SYT13: variants seen among roughly 807,000 people sequenced by gnomAD.
SYT13 encodes the protein synaptotagmin-13.
Under a neutral mutation model 38.6 loss-of-function variants are expected in SYT13, and 21 were observed. The ratio of observed to expected loss-of-function variants is 0.54; its 90% CI spans 0.39 to 0.78. The LOEUF (loss-of-function observed/expected upper bound fraction) is 0.78, where lower values mean the gene tolerates loss of function less well. Ranked by LOEUF, SYT13 falls within the 30% of genes least tolerant of loss-of-function variation. SYT13 has a pLI of 0.00. For synonymous variants in SYT13, 241 were observed against 237.6 expected (o/e 1.01, Z -0.13); for missense variants, 495 against 548.7 (o/e 0.90, Z 0.98).
At chr11:45,280,478 T>A (rs1408379047) in intron 1 of SYT13, among the ~76,000 whole-genome samples, 1 of 152,162 alleles carries the variant, frequency 6.6e-6, no homozygotes, top group Non-Finnish European at 1.5e-5. Flanking sequence ...TGTCACAATA[T>A]GACACTTTTT....
intron 1 of SYT13, among the ~76,000 whole-genome samples, chr11:45,272,331 A>G (rs1487208312): frequency 1.3e-5 from 2 of 152,054 alleles, no homozygotes; most frequent in African/African-American, 4.8e-5. Context: ...TATCCCAGAA[A>G]TTAAAGTATA....
intron 5 of SYT13, 65 bp downstream of exon 5, chr11:45,246,318 A>C: frequency 1.3e-6 from 2 of 1,583,636 alleles, no homozygotes; most frequent in Non-Finnish European, 1.7e-6. Context: ...CCCAGGCACC[A>C]CCTCCCTCAG....
chr11:45,249,781 G>A (rs192892567), intron 4 of SYT13, among the ~76,000 whole-genome samples: 103 of 152,258 alleles, frequency 6.8e-4, no homozygotes, highest in Non-Finnish European at 1.1e-3. Context: ...ATAGCATTAG[G>A]AGAAATACCT....
At chr11:45,261,529 C>T (rs1041593253) in intron 1 of SYT13, among the ~76,000 whole-genome samples, 5 of 151,664 alleles carry the variant, frequency 3.3e-5, no homozygotes, top group African/African-American at 7.3e-5. Flanking sequence ...ACCCAGAAGG[C>T]GGAGGTTGCA....
intron 1 of SYT13, among the ~76,000 whole-genome samples, chr11:45,282,680 A>G (rs902913955): frequency 6.6e-6 from 1 of 152,230 alleles, no homozygotes; most frequent in African/African-American, 2.4e-5. Context: ...TTGGGGACAA[A>G]GTCACAGGTA....
At chr11:45,259,170 A>G (rs528612573) in intron 1 of SYT13, among the ~76,000 whole-genome samples, 27 of 151,972 alleles carry the variant, frequency 1.8e-4, no homozygotes, top group Non-Finnish European at 2.9e-4. Context: ...ACTCCCTCCC[A>G]TTCATCGGCA....
intron 1 of SYT13, among the ~76,000 whole-genome samples, chr11:45,266,624 G>C (rs2135901774): frequency 6.6e-6 from 1 of 152,178 alleles, no homozygotes; most frequent in East Asian, 1.9e-4. Flanking sequence ...TGCTCATTTT[G>C]CCTCCAGAGA....
In SYT13 at chr11:45,241,546, G is replaced by A. The variant is rs896049922; in HGVS notation, c.*2506C>T. ...AAAAAAAAGAAGAAGAAGAATGAAA[G>A]GATGCTTCATGACCAAATGATGATG... On this transcript the variant is annotated 3_prime_UTR_variant, in exon 6 of 6. Transcript: ENST00000020926. The A allele has an allele frequency of 2.6e-5, 3 of 114,402 alleles. No individual in the cohort carries two copies. Among genetic ancestry groups the A allele is most frequent in the Admixed American group, 1.3e-4 (1 of 7,486 alleles). 7.1% of individuals were successfully genotyped at this position (114,402 alleles called of 1,614,324 possible). A position where few individuals can be genotyped will look rare whatever the true frequency, so the allele number is the denominator to read the frequency against.
rs1253728848 is a variant in SYT13 at position 45,286,042 on chromosome 11, G to T, written c.166C>A (p.Leu56Ile). The T allele has an allele frequency of 6.2e-7, 1 of 1,608,786 alleles. No homozygotes were observed. The highest frequency in any genetic ancestry group is 2.2e-5 in the East Asian group (1 of 44,820). The change falls in exon 1 of 6, where the codon CTC becomes ATC. Residue 56 changes from leucine (L) to isoleucine (I), a missense_variant. By Grantham distance (5) the Leu-to-Ile change is conservative. Coordinates refer to ENST00000020926, the MANE Select transcript of SYT13 (RefSeq NM_020826.3). ...CCGCTCACCTGTTGTGCAGACCCGA[G>T]CAAGCTGGGCTTCGCCTTCTCCAGG... ...PDLEKAKPSL[L>I]GSAQQFNVKK...
intron 1 of SYT13, among the ~76,000 whole-genome samples, chr11:45,281,052 C>T (rs991556011): frequency 4.6e-5 from 7 of 151,780 alleles, no homozygotes; most frequent in African/African-American, 1.2e-4. Context: ...AAAGATTAGC[C>T]GGGCATGGTG....
At position 45,244,307 on chromosome 11, in the gene SYT13, C is replaced by T; in HGVS notation, c.1026G>A (p.Lys342=). 1.2e-6 allele frequency: 2 copies of T among 1,613,996 alleles called. No homozygotes were observed. The highest frequency in any genetic ancestry group is 2.2e-5 in the East Asian group (1 of 44,888). The change falls in exon 6 of 6, where the codon AAG becomes AAA. Residue 342 remains lysine, a synonymous_variant. Transcript: ENST00000020926. ...TGTGCTTAGCTCGTTTAGTCTGCTT[C>T]TTCTTCAGCTTCCGAGCCTGGTGCT... The part of the protein sequence containing the change: ...TLKHQARKLK[K]KQTKRAKHKI...
intron 1 of SYT13, among the ~76,000 whole-genome samples, chr11:45,263,255 C>T (rs138605000): frequency 2.0e-5 from 3 of 152,334 alleles, no homozygotes; most frequent in Admixed American, 2.0e-4. Flanking sequence ...GTAAACAGGA[C>T]AGATGCTGTC....
chr11:45,284,125 A>G (rs548839362), intron 1 of SYT13, among the ~76,000 whole-genome samples: 3 of 152,346 alleles, frequency 2.0e-5, no homozygotes, highest in African/African-American at 7.2e-5. Context: ...TTTTAAAAGA[A>G]TGATCGTAAA....
At chr11:45,251,386 TAAAAAAAAA>T (rs10649998) in intron 4 of SYT13, among the ~76,000 whole-genome samples, 3 of 75,372 alleles carry the variant, frequency 4.0e-5, no homozygotes, top group South Asian at 6.4e-4. Context: ...AGACTCTGTC[TAAAAAAAAA>T]AAAAAAAAAA....
intron 1 of SYT13, among the ~76,000 whole-genome samples, chr11:45,260,738 A>C (rs575098726): frequency 1.3e-5 from 2 of 152,298 alleles, no homozygotes; most frequent in East Asian, 3.9e-4. Flanking sequence ...GGATAGAAGA[A>C]TCACACCCTC....
At chr11:45,246,166 C>CCAAG (rs1854611725) in intron 5 of SYT13, among the ~76,000 whole-genome samples, 1 of 152,162 alleles carries the variant, frequency 6.6e-6, no homozygotes, top group African/African-American at 2.4e-5. Context: ...TGGGATTGAT[C>CCAAG]CAAGAGTAAA....
intron 4 of SYT13, among the ~76,000 whole-genome samples, chr11:45,251,941 G>A (rs1470251973): frequency 6.6e-6 from 1 of 152,200 alleles, no homozygotes; most frequent in African/African-American, 2.4e-5. Flanking sequence ...ATGGCTCAGG[G>A]TGGAACACAT....
At chr11:45,253,486 A>C (rs994081528) in intron 3 of SYT13, among the ~76,000 whole-genome samples, 2 of 152,236 alleles carry the variant, frequency 1.3e-5, no homozygotes, top group African/African-American at 4.8e-5. Flanking sequence ...GTGCTTTAAA[A>C]TCTTAAAAGA....
At chr11:45,277,277 A>G (rs189919931) in intron 1 of SYT13, among the ~76,000 whole-genome samples, 65 of 152,312 alleles carry the variant, frequency 4.3e-4, no homozygotes, top group Admixed American at 1.8e-3. Flanking sequence ...TTCTGAGGTG[A>G]GGAAAATGTT....
Sources: allele counts gnomAD v4.1 joint callset (sites outside exome capture counted in the v4.1 genomes callset), GRCh38; gene constraint gnomAD v4.1.1; transcripts MANE v1.5; gene names NCBI Gene and HGNC (gene_info 2026-07-23, HGNC 2026-07-21).